MAMDC2: variants seen among roughly 807,000 people sequenced by gnomAD.
MAMDC2 encodes MAM domain containing 2.
Under a neutral mutation model 89.8 loss-of-function variants are expected in MAMDC2, and 57 were observed. The ratio of observed to expected loss-of-function variants is 0.63; its 90% CI spans 0.51 to 0.79. MAMDC2 has a LOEUF of 0.79. Among genes scored for constraint, MAMDC2 ranks in the 30% least tolerant of loss-of-function variants. The pLI, the probability that MAMDC2 is intolerant of heterozygous loss-of-function variation, is 0.00. For missense variants in MAMDC2, 800 were observed against 820.6 expected (o/e 0.97, Z 0.31); for synonymous variants, 313 against 293.4 (o/e 1.07, Z -0.68).
chr9:70,116,010 AG>A (rs1201144524), intron 5 of MAMDC2, among the ~76,000 whole-genome samples: 1 of 152,224 alleles, frequency 6.6e-6, no homozygotes, highest in Non-Finnish European at 1.5e-5. Flanking sequence ...AGGAACAGAA[AG>A]GATCTTGAAA....
intron 11 of MAMDC2, among the ~76,000 whole-genome samples, chr9:70,214,910 G>GTCAAACAT (rs1017872496): frequency 6.6e-6 from 1 of 152,204 alleles, no homozygotes; most frequent in Admixed American, 6.5e-5. Context: ...TTTTGAATAT[G>GTCAAACAT]CTCAGTGTGA....
At chr9:70,173,723 A>G (rs183278241) in intron 11 of MAMDC2, among the ~76,000 whole-genome samples, 8,754 of 152,176 alleles carry the variant, frequency 0.058, 281 homozygotes, top group South Asian at 0.073. Context: ...TGCCTTAGAC[A>G]TGGAAGAGAA....
intron 11 of MAMDC2, among the ~76,000 whole-genome samples, chr9:70,206,953 AAGAAC>A (rs2033238531): frequency 6.6e-6 from 1 of 152,140 alleles, no homozygotes; most frequent in Non-Finnish European, 1.5e-5. Flanking sequence ...TACAAAGGAC[AAGAAC>A]TCATCCTTTT....
At chr9:70,175,256 G>C (rs1472138310) in intron 11 of MAMDC2, among the ~76,000 whole-genome samples, 3 of 152,218 alleles carry the variant, frequency 2.0e-5, no homozygotes, top group African/African-American at 7.2e-5. Flanking sequence ...ATTTGACTAT[G>C]ATGGCACATT....
chr9:70,192,553 A>G (rs1187461093), intron 11 of MAMDC2, among the ~76,000 whole-genome samples: 1 of 152,132 alleles, frequency 6.6e-6, no homozygotes, highest in Non-Finnish European at 1.5e-5. Context: ...GGGGAAGAGT[A>G]TAAAAATTTA....
chr9:70,045,399 T>G (rs572034839), intron 2 of MAMDC2, among the ~76,000 whole-genome samples: 1 of 152,140 alleles, frequency 6.6e-6, no homozygotes, highest in East Asian at 1.9e-4. Flanking sequence ...TTGTTTTTTG[T>G]TTTAAAGTGT....
At chr9:70,207,532 C>A (rs1213865982) in intron 11 of MAMDC2, among the ~76,000 whole-genome samples, 2 of 152,090 alleles carry the variant, frequency 1.3e-5, no homozygotes, top group Non-Finnish European at 2.9e-5. Flanking sequence ...TGGATATTAG[C>A]CCTTTGTCAG....
intron 5 of MAMDC2, among the ~76,000 whole-genome samples, chr9:70,115,709 C>T (rs1412898777): frequency 1.3e-5 from 2 of 152,166 alleles, no homozygotes; most frequent in Non-Finnish European, 2.9e-5. Flanking sequence ...GGCCCGTCCT[C>T]ATTTGGGGCC....
At chr9:70,137,873 T>C (rs1237041572) in intron 7 of MAMDC2, among the ~76,000 whole-genome samples, 1 of 152,178 alleles carries the variant, frequency 6.6e-6, no homozygotes, top group African/African-American at 2.4e-5. Context: ...AGCCAATTGT[T>C]GATAGGATTA....
intron 2 of MAMDC2, among the ~76,000 whole-genome samples, chr9:70,058,312 C>A (rs1827069203): frequency 6.6e-6 from 1 of 152,014 alleles, no homozygotes; most frequent in Non-Finnish European, 1.5e-5. Context: ...ATTGGTGGAG[C>A]CTGGATTTTA....
chr9:70,176,933 G>A lies in MAMDC2; in HGVS notation c.1651+6302G>A, dbSNP rs1587546158. On this transcript the variant is annotated intron_variant, in intron 11 of 13. Transcript: ENST00000377182. ...TAGTGGATGCCTGAAACCAAAGGCA[G>A]TATTAAACCCTATATACAATATATT... Among the ~76,000 whole-genome samples the A allele has an allele frequency of 2.0e-5, 3 of 152,268 alleles. 1 individual carries two copies. The highest frequency in any genetic ancestry group is 2.1e-4 in the South Asian group (1 of 4,828).
intron 5 of MAMDC2, among the ~76,000 whole-genome samples, chr9:70,119,185 C>CAAAA (rs5898117): frequency 2.0e-5 from 2 of 97,998 alleles, no homozygotes; most frequent in African/African-American, 3.3e-5. Flanking sequence ...CATACCTTAG[C>CAAAA]AAAAAAAAAA....
intron 9 of MAMDC2, among the ~76,000 whole-genome samples, chr9:70,144,691 G>GGAAT (rs1415094152): frequency 1.3e-5 from 2 of 152,194 alleles, no homozygotes; most frequent in Non-Finnish European, 1.5e-5. Context: ...AAGGAAGGAA[G>GGAAT]GAATGAATGA....
intron 11 of MAMDC2, among the ~76,000 whole-genome samples, chr9:70,181,368 G>GT (rs1273139877): frequency 6.6e-6 from 1 of 152,268 alleles, no homozygotes; most frequent in South Asian, 2.1e-4. Flanking sequence ...ATTTAAAGTA[G>GT]TTTTTTCTAA....
intron 2 of MAMDC2, among the ~76,000 whole-genome samples, chr9:70,048,755 G>C (rs1243093902): frequency 1.3e-5 from 2 of 152,190 alleles, no homozygotes; most frequent in African/African-American, 4.8e-5. Context: ...TGCCAGCTGT[G>C]GGGGCAGAGG....
intron 2 of MAMDC2, chr9:70,062,792 G>T (rs1827178588): frequency 2.0e-5 from 3 of 152,170 alleles, no homozygotes; most frequent in Admixed American, 2.0e-4. Flanking sequence ...TTCTTCTACT[G>T]CCTAGGTGTA....
At chr9:70,074,720 A>G (rs967361881) in intron 2 of MAMDC2, among the ~76,000 whole-genome samples, 2 of 152,240 alleles carry the variant, frequency 1.3e-5, no homozygotes, top group African/African-American at 4.8e-5. Flanking sequence ...TGTGCGCTTG[A>G]GGGAGCAACA....
intron 9 of MAMDC2, among the ~76,000 whole-genome samples, chr9:70,168,135 C>T (rs985004896): frequency 3.3e-5 from 5 of 152,186 alleles, no homozygotes; most frequent in African/African-American, 2.4e-5. Flanking sequence ...CAATTCTTTA[C>T]GAAATGCCAC....
At chr9:70,080,310 A>G (rs1469619913) in intron 2 of MAMDC2, among the ~76,000 whole-genome samples, 2 of 152,194 alleles carry the variant, frequency 1.3e-5, no homozygotes, top group African/African-American at 2.4e-5. Flanking sequence ...ATGTTTTTAT[A>G]TGCTGTAGCA....
Sources: allele counts gnomAD v4.1 joint callset (sites outside exome capture counted in the v4.1 genomes callset), GRCh38; gene constraint gnomAD v4.1.1; transcripts MANE v1.5; gene names NCBI Gene and HGNC (gene_info 2026-07-23, HGNC 2026-07-21).